The following CCDC7 variants were observed in gnomAD, a reference collection of about 807,000 sequenced individuals.
The protein encoded by CCDC7 is coiled-coil domain containing 7.
Under a neutral mutation model 196.9 loss-of-function variants are expected in CCDC7, and 183 were observed. The ratio of observed to expected loss-of-function variants is 0.93; its 90% confidence interval spans 0.82 to 1.05. The LOEUF is 1.05. CCDC7 is among the 50% of genes least tolerant of loss of function. CCDC7 has a pLI of 0.00. For missense variants in CCDC7, 1,540 were observed against 1,482.2 expected, an observed-to-expected ratio of 1.04 and a Z score of -0.64; for synonymous variants, 525 against 484.6, an observed-to-expected ratio of 1.08 and a Z score of -1.10.
rs151230043 is a variant in CCDC7 at position 32,799,390 on chromosome 10, A to C, written c.3014-5625A>C. On this transcript the variant is annotated intron_variant, in intron 29 of 41. Transcript: ENST00000639629. ...TGCTGGGTCATATGACCCAAATGGC[A>C]GAGCAGCTTGCATAGCACCCTGGAC... is the stretch of plus-strand genomic sequence containing the variant. 2.1e-3 allele frequency among the ~76,000 whole-genome samples: 321 copies of C among 152,284 alleles called. 2 individuals are homozygous for C. Among genetic ancestry groups the C allele is most frequent in the African/African-American group, 7.5e-3 (312 of 41,548 alleles).
intron 9 of CCDC7, chr10:32,511,272 G>A (rs1171575896): frequency 1.3e-6 from 1 of 770,828 alleles, no homozygotes; most frequent in Non-Finnish European, 2.0e-6. Context: ...GGGGGGGGCG[G>A]GGAAATGTAC....
Position 32,538,412 on chromosome 10 carries a change from T to C in CCDC7, c.994-4888T>C, listed in dbSNP as rs891394114. 1.3e-4 allele frequency among the ~76,000 whole-genome samples: 20 copies of C among 152,162 alleles called. 1 individual carries two copies. Among genetic ancestry groups the C allele is most frequent in the African/African-American group, 7.2e-5 (3 of 41,444 alleles). On this transcript the variant is annotated intron_variant, in intron 11 of 41. Coordinates refer to ENST00000639629, the Ensembl canonical transcript of CCDC7. ...CCAAGCCTATGGAGTTTTCTAGATA[T>C]AGAATCATGCCATCAAACAGGGGTA... is the stretch of plus-strand genomic sequence containing the variant.
intron 21 of CCDC7, among the ~76,000 whole-genome samples, chr10:32,678,275 G>A (rs761782066): frequency 8.5e-5 from 13 of 152,136 alleles, no homozygotes; most frequent in Non-Finnish European, 1.3e-4. Context: ...TATCACCTGT[G>A]CATCAACAGA....
At chr10:32,671,778 C>G (rs776361377) in intron 21 of CCDC7, among the ~76,000 whole-genome samples, 1 of 152,086 alleles carries the variant, frequency 6.6e-6, no homozygotes, top group Non-Finnish European at 1.5e-5. Context: ...GCTGGGTGGG[C>G]TGCTGCAGTT....
downstream of CCDC7, among the ~76,000 whole-genome samples, chr10:32,878,389 C>G (rs73264343): frequency 2.0e-5 from 3 of 151,956 alleles, no homozygotes; most frequent in Non-Finnish European, 4.4e-5. Flanking sequence ...ATGAACCAGT[C>G]ATTAGACTGG....
intron 18 of CCDC7, among the ~76,000 whole-genome samples, chr10:32,624,241 C>G (rs967220625): frequency 6.6e-6 from 1 of 152,134 alleles, no homozygotes. Flanking sequence ...TGGACTATTA[C>G]AATAGTTGCT....
At chr10:32,800,295 A>T (rs1005117710) in intron 29 of CCDC7, among the ~76,000 whole-genome samples, 2 of 152,116 alleles carry the variant, frequency 1.3e-5, no homozygotes, top group Non-Finnish European at 2.9e-5. Flanking sequence ...GGCAGTTCTA[A>T]TGGCTTCCAT....
intron 28 of CCDC7, among the ~76,000 whole-genome samples, chr10:32,756,977 A>C (rs548136266): frequency 1.3e-5 from 2 of 152,242 alleles, no homozygotes; most frequent in Non-Finnish European, 2.9e-5. Context: ...ACAGACTTTA[A>C]ACCAACAAAG....
At chr10:32,464,798 A>G (rs1003750558) in intron 5 of CCDC7, among the ~76,000 whole-genome samples, 1 of 152,170 alleles carries the variant, frequency 6.6e-6, no homozygotes, top group Non-Finnish European at 1.5e-5. Flanking sequence ...GGCGTGAGCC[A>G]CTGTGCCCTG....
chr10:32,643,458 A>T (rs1375282483), intron 20 of CCDC7, among the ~76,000 whole-genome samples: 1 of 151,810 alleles, frequency 6.6e-6, no homozygotes, highest in South Asian at 2.1e-4. Context: ...ATCCAGTGTG[A>T]CTGTCTTTTT....
chr10:32,823,816 G>T (rs1287723265), intron 31 of CCDC7, among the ~76,000 whole-genome samples: 3 of 152,018 alleles, frequency 2.0e-5, no homozygotes, highest in African/African-American at 7.2e-5. Context: ...AAATGAAAAG[G>T]AATACAATCC....
intron 20 of CCDC7, among the ~76,000 whole-genome samples, chr10:32,661,403 A>G (rs1003954206): frequency 6.6e-6 from 1 of 152,062 alleles, no homozygotes; most frequent in Non-Finnish European, 1.5e-5. Flanking sequence ...CCATTGTGGA[A>G]GTCAGTGTGG....
At chr10:32,778,112 A>AT (rs1206931150) in intron 28 of CCDC7, among the ~76,000 whole-genome samples, 6 of 151,964 alleles carry the variant, frequency 3.9e-5, no homozygotes, top group African/African-American at 1.2e-4. Flanking sequence ...GTTCATGGAT[A>AT]TTTTTCTCTT....
At chr10:32,708,855 A>G (rs1272301300) in intron 24 of CCDC7, among the ~76,000 whole-genome samples, 1 of 152,154 alleles carries the variant, frequency 6.6e-6, no homozygotes, top group African/African-American at 2.4e-5. Flanking sequence ...AAATAGGAAC[A>G]CTTTTACACT....
rs868678523 is a variant in CCDC7 at position 32,560,251 on chromosome 10, A to G, written c.1135-5307A>G. 7.9e-5 allele frequency among the ~76,000 whole-genome samples: 12 copies of G among 151,936 alleles called. No individual in the cohort carries two copies. The South Asian group carries it at 1.0e-3, about 13-fold the overall frequency. On this transcript the variant is annotated intron_variant, in intron 13 of 41. Coordinates refer to ENST00000639629, the Ensembl canonical transcript of CCDC7. Reference sequence around the variant, plus strand: ...GAACCAAGTTGGAAAACACTCTGCAAGATATTATCCAGGAGAACTTCCCCA... The same window carrying G: ...GAACCAAGTTGGAAAACACTCTGCAGGATATTATCCAGGAGAACTTCCCCA...
intron 20 of CCDC7, among the ~76,000 whole-genome samples, chr10:32,645,969 C>A (rs985010383): frequency 3.3e-5 from 5 of 151,654 alleles, no homozygotes; most frequent in African/African-American, 9.7e-5. Context: ...GTTTGTTTAT[C>A]TTTTCAAAAT....
rs2046923255 is a variant in CCDC7 at position 32,515,740 on chromosome 10, CT to C, written c.873-2204del. 5.9e-5 allele frequency among the ~76,000 whole-genome samples: 9 copies of C among 151,568 alleles called. 1 individual carries two copies. The highest frequency in any genetic ancestry group is 5.9e-4 in the Admixed American group (9 of 15,200). On this transcript the variant is annotated intron_variant, in intron 9 of 41. Coordinates refer to ENST00000639629, the Ensembl canonical transcript of CCDC7. Reference sequence around the variant, plus strand: ...TTTTTTTTGTAGAGGCGGGGTTTCACTGTGTTAGCCAGGATGGTCTGGATCT... The same window carrying C: ...TTTTTTTTGTAGAGGCGGGGTTTCACGTGTTAGCCAGGATGGTCTGGATCT...
At chr10:32,710,968 G>T (rs1335998077) in intron 24 of CCDC7, among the ~76,000 whole-genome samples, 1 of 152,118 alleles carries the variant, frequency 6.6e-6, no homozygotes, top group Non-Finnish European at 1.5e-5. Flanking sequence ...AAAGACATTG[G>T]GCAAAGGTAG....
chr10:32,830,121 G>GATATATATATACATATATAT (rs373724864), intron 32 of CCDC7, among the ~76,000 whole-genome samples: 2,346 of 50,620 alleles, frequency 0.046, 328 homozygotes, highest in African/African-American at 0.093. Context: ...TATATATAAG[G>GATATATATATACATATATAT]ATATATATAT....
Sources: allele counts gnomAD v4.1 joint callset (sites outside exome capture counted in the v4.1 genomes callset), GRCh38; gene constraint gnomAD v4.1.1; transcripts MANE v1.5; gene names NCBI Gene and HGNC (gene_info 2026-07-23, HGNC 2026-07-21).